ADK: variants seen among roughly 807,000 people sequenced by gnomAD.
ADK encodes the protein adenosine kinase, also known as N6,N6-dimethyladenosine kinase.
Under a neutral mutation model 44.7 loss-of-function variants are expected in ADK, and 24 were observed. That is an observed-to-expected ratio of 0.54 (90% CI 0.39 to 0.76). The LOEUF is 0.76. ADK is among the 30% of genes least tolerant of loss of function. The pLI is 0.00. For missense variants in ADK, 321 were observed against 425.1 expected, an observed-to-expected ratio of 0.76 and a Z score of 2.15; for synonymous variants, 128 against 142.6, an observed-to-expected ratio of 0.90 and a Z score of 0.73.
At chr10:74,557,646 T>A (rs1850309946) in intron 7 of ADK, among the ~76,000 whole-genome samples, 1 of 152,202 alleles carries the variant, frequency 6.6e-6, no homozygotes, top group African/African-American at 2.4e-5. Flanking sequence ...GGGCATTTAT[T>A]GTAGGGCACC....
At chr10:74,376,965 A>G (rs565294143) in intron 4 of ADK, among the ~76,000 whole-genome samples, 1 of 152,278 alleles carries the variant, frequency 6.6e-6, no homozygotes, top group Admixed American at 6.5e-5. Context: ...TCTTAAAGTG[A>G]TGCTCCATCA....
intron 10 of ADK, among the ~76,000 whole-genome samples, chr10:74,700,936 A>G (rs920332598): frequency 1.3e-5 from 2 of 152,236 alleles, no homozygotes; most frequent in Admixed American, 6.5e-5. Context: ...TCTTTTCTTA[A>G]GTAAAATGAG....
At chr10:74,506,739 A>C (rs1848091672) in intron 6 of ADK, 1 of 152,254 alleles carries the variant, frequency 6.6e-6, no homozygotes, top group Non-Finnish European at 1.5e-5. Flanking sequence ...TATGGTCTGT[A>C]AGTGTTTGCC....
At chr10:74,343,063 A>G (rs1423381061) in intron 4 of ADK, among the ~76,000 whole-genome samples, 1 of 152,138 alleles carries the variant, frequency 6.6e-6, no homozygotes, top group African/African-American at 2.4e-5. Flanking sequence ...TGTTTCTCAT[A>G]TAGGGGGAAA....
At chr10:74,374,359 A>C (rs748906122) in intron 4 of ADK, among the ~76,000 whole-genome samples, 1 of 152,130 alleles carries the variant, frequency 6.6e-6, no homozygotes, top group Non-Finnish European at 1.5e-5. Context: ...GATTTTACCC[A>C]TATGTGATGT....
At chr10:74,381,517 C>T (rs1282269845) in intron 4 of ADK, among the ~76,000 whole-genome samples, 2 of 152,176 alleles carry the variant, frequency 1.3e-5, no homozygotes, top group African/African-American at 4.8e-5. Flanking sequence ...AAAACTGTGG[C>T]AGGTAGACTT....
chr10:74,270,605 G>T (rs1393937299), intron 3 of ADK, among the ~76,000 whole-genome samples: 1 of 152,172 alleles, frequency 6.6e-6, no homozygotes, highest in Non-Finnish European at 1.5e-5. Flanking sequence ...AAAAGATTTT[G>T]TGGGACCCTT....
chr10:74,678,213 A>C (rs552099119), intron 10 of ADK, among the ~76,000 whole-genome samples: 25 of 152,030 alleles, frequency 1.6e-4, no homozygotes, highest in Non-Finnish European at 2.8e-4. Flanking sequence ...AACAGAAAGC[A>C]AGAGAGAGCT....
In ADK at chr10:74,302,100, TG is replaced by T. The variant is rs1564642217; in HGVS notation, c.195-12566del. 4.0e-3 allele frequency among the ~76,000 whole-genome samples: 89 copies of T among 21,976 alleles called. 5 individuals are homozygous for T. The highest frequency in any genetic ancestry group is 0.017 in the African/African-American group (75 of 4,390). 14.4% of individuals were successfully genotyped at this position (21,976 alleles called of 152,430 possible). A position where few individuals can be genotyped will look rare whatever the true frequency, so the allele number is the denominator to read the frequency against. Reference sequence around the variant, plus strand: ...TTTCTTTTCTTTTCTGTTTTTTTTTTGTTTGTTTGTTTTTTTTTTTTTTTTT... The same window carrying T: ...TTTCTTTTCTTTTCTGTTTTTTTTTTTTTGTTTGTTTTTTTTTTTTTTTTT... On this transcript the variant is annotated intron_variant, in intron 3 of 10. Coordinates refer to ENST00000539909, the MANE Select transcript of ADK (RefSeq NM_006721.4).
At chr10:74,473,157 AAT>A (rs752416886) in intron 6 of ADK, among the ~76,000 whole-genome samples, 2 of 147,462 alleles carry the variant, frequency 1.4e-5, no homozygotes, top group Admixed American at 1.4e-4. Context: ...GCCTAATATA[AAT>A]ATATATATAT....
At chr10:74,493,811 C>T (rs1296974038) in intron 6 of ADK, among the ~76,000 whole-genome samples, 2 of 151,934 alleles carry the variant, frequency 1.3e-5, no homozygotes, top group Admixed American at 6.6e-5. Flanking sequence ...TTTATGTGTA[C>T]CTACCATGAA....
chr10:74,373,959 T>A (rs1842746805), intron 4 of ADK, among the ~76,000 whole-genome samples: 1 of 152,088 alleles, frequency 6.6e-6, no homozygotes. Flanking sequence ...AAAAAAGAAA[T>A]GAAGTACTGA....
chr10:74,346,218 A>G lies in ADK; in HGVS notation c.273+31473A>G, dbSNP rs892451033. ...AAATTTCTGTTTTTTAATGAATCCA[A>G]AGTTCATGTTTTTTTTTCTTCCCAA... On this transcript the variant is annotated intron_variant, in intron 4 of 10. Transcript: ENST00000539909. 2.0e-5 allele frequency among the ~76,000 whole-genome samples: 3 copies of G among 152,080 alleles called. No homozygotes were observed. The South Asian group carries it at 6.2e-4, about 32-fold the overall frequency.
At chr10:74,564,867 C>T (rs140715467) in intron 7 of ADK, among the ~76,000 whole-genome samples, 5 of 152,214 alleles carry the variant, frequency 3.3e-5, no homozygotes, top group African/African-American at 1.2e-4. Flanking sequence ...CCCACCCCAC[C>T]CTAATCTTCT....
intron 2 of ADK, among the ~76,000 whole-genome samples, chr10:74,208,680 C>T (rs1046510480): frequency 8.6e-5 from 13 of 151,704 alleles, no homozygotes; most frequent in African/African-American, 2.7e-4. Flanking sequence ...TTTGAGCCAC[C>T]ATTAGATAAG....
In ADK at chr10:74,527,674, T is replaced by C. The variant is rs371038971; in HGVS notation, c.726+2248T>C. On this transcript the variant is annotated intron_variant, in intron 7 of 10. Transcript: ENST00000539909. ...TTTGGCATCTTCAGCCTACCAAAAC[T>C]GTGTCAAAAATGCCTCTCTTATTTC... 1.5e-5 allele frequency: 16 copies of C among 1,087,096 alleles called. No individual in the cohort carries two copies. The East Asian group carries it at 2.8e-4, about 19-fold the overall frequency. 67.3% of individuals were successfully genotyped at this position (1,087,096 alleles called of 1,614,324 possible).
intron 1 of ADK, among the ~76,000 whole-genome samples, chr10:74,196,394 G>C (rs748913602): frequency 2.6e-5 from 4 of 152,016 alleles, no homozygotes; most frequent in Non-Finnish European, 4.4e-5. Context: ...ACAGAAATTA[G>C]CTGGGCATAG....
At chr10:74,640,497 C>A (rs1370520653) in intron 9 of ADK, among the ~76,000 whole-genome samples, 1 of 152,176 alleles carries the variant, frequency 6.6e-6, no homozygotes, top group Non-Finnish European at 1.5e-5. Context: ...CCGTGTACTG[C>A]TTTTTCAATT....
chr10:74,443,663 T>C (rs1465196771), intron 6 of ADK, among the ~76,000 whole-genome samples: 2 of 152,134 alleles, frequency 1.3e-5, no homozygotes, highest in African/African-American at 4.8e-5. Context: ...AAATCACGAA[T>C]TGTATGCTTT....
Sources: gnomAD v4.1 joint callset for allele counts (sites outside exome capture counted in the v4.1 genomes callset) on GRCh38, gnomAD v4.1.1 for gene constraint, MANE v1.5 for transcripts, NCBI Gene and HGNC (gene_info 2026-07-23, HGNC 2026-07-21) for gene names.